The following ARPP19 variants were observed in gnomAD, a reference collection of about 807,000 sequenced individuals.
ARPP19 encodes the protein cAMP regulated phosphoprotein 19.
Under a neutral mutation model 12.0 loss-of-function variants are expected in ARPP19, and 8 were observed. That is an observed-to-expected ratio of 0.67 (90% confidence interval 0.39 to 1.21). The LOEUF (loss-of-function observed/expected upper bound fraction) is 1.21, where lower values mean the gene tolerates loss of function less well. ARPP19 is among the 50% of genes most tolerant of loss of function. The pLI is 0.01. For synonymous variants in ARPP19, 47 were observed against 50.4 expected (o/e 0.93, Z 0.29); for missense variants, 102 against 136.3 (o/e 0.75, Z 1.25).
chr15:52,563,953 G>GA (rs987891340), intron 1 of ARPP19, among the ~76,000 whole-genome samples: 2 of 152,090 alleles, frequency 1.3e-5, no homozygotes, highest in African/African-American at 4.8e-5. Context: ...TCATCTGAAT[G>GA]AAAAAATACA....
chr15:52,552,703 CAG>C (rs1412088427), intron 2 of ARPP19, among the ~76,000 whole-genome samples: 5 of 151,530 alleles, frequency 3.3e-5, no homozygotes, highest in Non-Finnish European at 7.4e-5. Flanking sequence ...GTCCCAGACT[CAG>C]TGAAATAAAA....
intron 1 of ARPP19, among the ~76,000 whole-genome samples, chr15:52,560,465 T>C (rs967112258): frequency 6.6e-6 from 1 of 152,250 alleles, no homozygotes; most frequent in Non-Finnish European, 1.5e-5. Context: ...TCTTGAACTT[T>C]CTTGCCAAAT....
In ARPP19 at chr15:52,547,097, C is replaced by CAAAAAAAAA. The variant is rs58435724; in HGVS notation, c.*4828_*4836dup. 2.9e-5 allele frequency: 4 copies of CAAAAAAAAA among 135,738 alleles called. No homozygotes were observed. The highest frequency in any genetic ancestry group is 6.2e-5 in the Non-Finnish European group (4 of 64,554). The allele number at this position is 135,738 out of a possible 1,614,324, so 8.4% of individuals were successfully genotyped here. ...CTTAAGTACAAAGCCTTTACAAATG[C>CAAAAAAAAA]AAAAAAAAAAAAAAAATCAAAGATT... is the stretch of plus-strand genomic sequence containing the variant. On this transcript the variant is annotated 3_prime_UTR_variant, in exon 3 of 3. Coordinates refer to ENST00000249822, the MANE Select transcript of ARPP19 (RefSeq NM_006628.6).
upstream of ARPP19, chr15:52,569,080 G>A (rs1468974891): frequency 1.8e-6 from 1 of 563,074 alleles, no homozygotes; most frequent in African/African-American, 2.0e-5. Context: ...GCACGCCGGA[G>A]CCCGCCTGCC....
chr15:52,560,159 C>T (rs2078018816), intron 1 of ARPP19, among the ~76,000 whole-genome samples: 2 of 151,968 alleles, frequency 1.3e-5, no homozygotes. Flanking sequence ...GTACACAATC[C>T]GGGCATTCCC....
rs564705542 is a variant in ARPP19, at chr15:52,559,736, G to A, written c.46-2514C>T. Reference sequence around the variant, plus strand: ...GCGGGCTGAGTCACTGCACAGCTTCGATGTGGCTCAGCCCTCACTGCAGAT... The same window carrying A: ...GCGGGCTGAGTCACTGCACAGCTTCAATGTGGCTCAGCCCTCACTGCAGAT... On this transcript the variant is annotated intron_variant, in intron 1 of 2. Transcript: ENST00000249822. 9.2e-5 allele frequency among the ~76,000 whole-genome samples: 14 copies of A among 152,284 alleles called. No homozygotes were observed. The East Asian group carries it at 2.5e-3, about 27-fold the overall frequency.
At chr15:52,554,245 G>C (rs764870660) in intron 2 of ARPP19, among the ~76,000 whole-genome samples, 18 of 152,058 alleles carry the variant, frequency 1.2e-4, no homozygotes, top group African/African-American at 4.3e-4. Flanking sequence ...TCACAAGGGG[G>C]TCTCAATTAA....
At chr15:52,556,691 T>A (rs1441498945) in intron 2 of ARPP19, among the ~76,000 whole-genome samples, 2 of 152,164 alleles carry the variant, frequency 1.3e-5, no homozygotes, top group African/African-American at 4.8e-5. Flanking sequence ...AAACACCAGC[T>A]TCTGGATAGT....
At position 52,548,360 on chromosome 15, in the gene ARPP19, G is replaced by A. The variant is rs147838471; in HGVS notation, c.*3574C>T. On this transcript the variant is annotated 3_prime_UTR_variant, in exon 3 of 3. Coordinates refer to ENST00000249822, the MANE Select transcript of ARPP19 (RefSeq NM_006628.6). ...AAATTGGCTGGGCATGGTGGCGGAC[G>A]CCTGTAATCCCAGCTACTTGGGAGG... The A allele has an allele frequency of 1.8e-3, 272 of 152,362 alleles. 3 individuals are homozygous for A. In the East Asian group the frequency reaches 0.034, roughly 19 times the overall value. The allele number at this position is 152,362 out of a possible 1,614,324, so 9.4% of individuals were successfully genotyped here.
chr15:52,552,216 G>T (rs1236025179), intron 2 of ARPP19, 112 bp from the exon 3 acceptor site: 4 of 649,842 alleles, frequency 6.2e-6, no homozygotes, highest in Non-Finnish European at 1.1e-5. Context: ...ATTTAAACAG[G>T]AATATTAATT....
At chr15:52,567,957 G>A (rs1354444010) in intron 1 of ARPP19, among the ~76,000 whole-genome samples, 3 of 152,062 alleles carry the variant, frequency 2.0e-5, no homozygotes, top group Non-Finnish European at 4.4e-5. Flanking sequence ...AAGATACCTC[G>A]GCCCTTTCTC....
intron 1 of ARPP19, among the ~76,000 whole-genome samples, chr15:52,562,454 TAGG>T (rs1364144194): frequency 1.3e-5 from 2 of 152,032 alleles, no homozygotes; most frequent in African/African-American, 4.8e-5. Context: ...TTAAAAAAAA[TAGG>T]AGTTCTAGAC....
At chr15:52,558,374 T>C (rs570185365) in intron 1 of ARPP19, among the ~76,000 whole-genome samples, 108 of 150,584 alleles carry the variant, frequency 7.2e-4, no homozygotes, top group African/African-American at 2.5e-3. Flanking sequence ...TGCTTAAGCA[T>C]GGAAGGTTGA....
intron 1 of ARPP19, among the ~76,000 whole-genome samples, chr15:52,559,978 G>C (rs1371244410): frequency 1.3e-5 from 2 of 152,178 alleles, no homozygotes; most frequent in East Asian, 3.8e-4. Flanking sequence ...TTGAGCCTAG[G>C]AAGTGAGAGC....
At chr15:52,568,768 G>T in intron 1 of ARPP19, 80 bp downstream of exon 1, 2 of 1,025,920 alleles carry the variant, frequency 1.9e-6, no homozygotes, top group Non-Finnish European at 2.7e-6. Flanking sequence ...TCTCGGGCGC[G>T]GCCCTCCGCC....
upstream of ARPP19, chr15:52,569,263 C>A: frequency 3.3e-6 from 1 of 302,476 alleles, no homozygotes; most frequent in Non-Finnish European, 6.1e-6. Flanking sequence ...CCTCCCCGCC[C>A]TTTCCTGTCC....
intron 2 of ARPP19, 28 bp downstream of exon 2, chr15:52,557,072 T>A (rs773786424): frequency 1.9e-6 from 3 of 1,608,942 alleles, no homozygotes; most frequent in Non-Finnish European, 2.5e-6. Context: ...AGGGCTTAAG[T>A]ATTTGGAAAT....
At chr15:52,565,918 G>A (rs924034241) in intron 1 of ARPP19, among the ~76,000 whole-genome samples, 19 of 152,186 alleles carry the variant, frequency 1.2e-4, no homozygotes, top group African/African-American at 3.6e-4. Flanking sequence ...GCAGTGGCAC[G>A]ATCTCGGCTA....
chr15:52,554,727 C>G (rs577797038), intron 2 of ARPP19, among the ~76,000 whole-genome samples: 2 of 151,956 alleles, frequency 1.3e-5, no homozygotes, highest in African/African-American at 4.8e-5. Flanking sequence ...GACTTCACAA[C>G]CCCTACAAAT....
Sources: gnomAD v4.1 joint callset for allele counts (sites outside exome capture counted in the v4.1 genomes callset) on GRCh38, gnomAD v4.1.1 for gene constraint, MANE v1.5 for transcripts, NCBI Gene and HGNC (gene_info 2026-07-23, HGNC 2026-07-21) for gene names.